ANK2: variants seen among roughly 807,000 people sequenced by gnomAD.
ANK2 encodes the protein ankyrin 2, also known as ankyrin-2.
ANK2 carries 83 observed loss-of-function variants against 360.5 expected under a neutral mutation model. That is an observed-to-expected ratio of 0.23 (90% CI 0.19 to 0.28). The LOEUF is 0.28. ANK2 is among the 10% of genes least tolerant of loss of function. ANK2 has a pLI of 1.00. For missense variants in ANK2, 4,201 were observed against 4,795.7 expected, an observed-to-expected ratio of 0.88 and a Z score of 3.66; for synonymous variants, 1,740 against 1,759.5, an observed-to-expected ratio of 0.99 and a Z score of 0.28.
intron 31 of ANK2, among the ~76,000 whole-genome samples, chr4:113,337,827 A>C (rs984535548): frequency 2.6e-5 from 4 of 152,254 alleles, no homozygotes; most frequent in African/African-American, 9.6e-5. Flanking sequence ...TATCTTTCCC[A>C]TAATTCCAGC....
At chr4:112,773,370 A>G in the ANK2 span, among the ~76,000 whole-genome samples, 1 of 152,298 alleles carries the variant, frequency 6.6e-6, no homozygotes, top group Non-Finnish European at 1.5e-5. Context: ...AAATTGGCCC[A>G]TGTTTCCTTT....
intron 2 of ANK2, among the ~76,000 whole-genome samples, chr4:113,006,632 AAT>A (rs1264468868): frequency 6.6e-6 from 1 of 152,212 alleles, no homozygotes; most frequent in Non-Finnish European, 1.5e-5. Context: ...TGAAGTTACA[AAT>A]ATACATATTC....
At chr4:113,314,429 G>T (rs538868369) in intron 24 of ANK2, among the ~76,000 whole-genome samples, 2 of 152,138 alleles carry the variant, frequency 1.3e-5, no homozygotes, top group African/African-American at 4.8e-5. Context: ...CAGTTGTACC[G>T]TAGTAAAATA....
intron 2 of ANK2, among the ~76,000 whole-genome samples, chr4:113,177,856 T>C (rs2098274673): frequency 6.6e-6 from 1 of 152,250 alleles, no homozygotes; most frequent in African/African-American, 2.4e-5. Context: ...CAGCTCACTT[T>C]AGAAAGTGAT....
At chr4:113,245,134 A>C (rs2042165743) in intron 9 of ANK2, among the ~76,000 whole-genome samples, 1 of 152,116 alleles carries the variant, frequency 6.6e-6, no homozygotes, top group South Asian at 2.1e-4. Context: ...AAGTAGAAGG[A>C]TTTTAAAAGC....
chr4:112,733,805 C>T, the ANK2 span, among the ~76,000 whole-genome samples: 7 of 152,180 alleles, frequency 4.6e-5, no homozygotes, highest in South Asian at 2.1e-4. Flanking sequence ...GACGGAGTCT[C>T]ACCTTGTCGC....
chr4:113,047,012 A>G (rs549568075), upstream of ANK2, among the ~76,000 whole-genome samples: 3 of 152,356 alleles, frequency 2.0e-5, no homozygotes, highest in South Asian at 6.2e-4. Context: ...ACGTGTTCTG[A>G]CTTCAACTGA....
intron 18 of ANK2, 129 bp from the exon 19 acceptor site, chr4:113,287,476 A>G (rs1368785410): frequency 1.3e-6 from 1 of 753,810 alleles, no homozygotes; most frequent in Non-Finnish European, 2.3e-6. Flanking sequence ...CAGAAGATAT[A>G]GTTTCTGGGA....
the ANK2 span, among the ~76,000 whole-genome samples, chr4:112,777,975 C>CT: frequency 5.1e-3 from 703 of 138,310 alleles, 10 homozygotes; most frequent in African/African-American, 0.015. Context: ...TTCTTTCTTT[C>CT]TTTTTTTTTT....
chr4:112,884,819 T>C lies in ANK2; in HGVS notation c.-39-19636T>C, dbSNP rs2077790375. On this transcript the variant is annotated intron_variant, in intron 1 of 30. Coordinates refer to the ANK2 transcript ENST00000503271. The stretch of plus-strand genomic sequence containing the variant: ...TGTCTTTCATGATAATTTTCACAGC[T>C]TCACTAGCCCTCAGGTGTGTCCCTC... Among the ~76,000 whole-genome samples the C allele has an allele frequency of 2.0e-5, 3 of 152,350 alleles. 1 individual carries two copies. The South Asian group carries it at 6.2e-4, about 32-fold the overall frequency.
In ANK2 at chr4:112,951,081, C is replaced by CAAAAAAAAA. The variant is rs1184265938; in HGVS notation, c.21+46584_21+46592dup. Among the ~76,000 whole-genome samples, 5 of 55,944 alleles carry CAAAAAAAAA rather than the reference C, an allele frequency of 8.9e-5. 1 individual carries two copies. The highest frequency in any genetic ancestry group is 3.3e-4 in the African/African-American group (5 of 15,158). The allele number at this position is 55,944 out of a possible 152,430, so 36.7% of individuals were successfully genotyped here. ...TGGGCGACAGAGCGAGCCTCCGTCT[C>CAAAAAAAAA]AAAAAAAAAAAAAAAAAAAAAAAAA... is the stretch of plus-strand genomic sequence containing the variant. On this transcript the variant is annotated intron_variant, in intron 2 of 30. Coordinates refer to the ANK2 transcript ENST00000503271.
chr4:112,721,075 C>T, the ANK2 span, among the ~76,000 whole-genome samples: 3 of 152,086 alleles, frequency 2.0e-5, no homozygotes, highest in Admixed American at 2.0e-4. Flanking sequence ...TTCAGAAGCC[C>T]ATGTTTGCCA....
upstream of ANK2, among the ~76,000 whole-genome samples, chr4:113,046,019 G>A (rs2064257451): frequency 6.6e-6 from 1 of 152,124 alleles, no homozygotes; most frequent in Admixed American, 6.5e-5. Context: ...TGCCCTCAAG[G>A]AGCTTAGAGT....
chr4:112,916,968 C>A (rs2090033514), intron 2 of ANK2, among the ~76,000 whole-genome samples: 1 of 152,048 alleles, frequency 6.6e-6, no homozygotes, highest in Non-Finnish European at 1.5e-5. Flanking sequence ...ACTTAAATTC[C>A]AGTGCCATAA....
chr4:112,834,727 T>C (rs1258564855), intron 1 of ANK2, among the ~76,000 whole-genome samples: 1 of 152,212 alleles, frequency 6.6e-6, no homozygotes, highest in Non-Finnish European at 1.5e-5. Flanking sequence ...CTCAAAAATG[T>C]CTTTTTGCAG....
the ANK2 span, among the ~76,000 whole-genome samples, chr4:112,784,804 T>C: frequency 2.6e-5 from 4 of 152,308 alleles, no homozygotes; most frequent in Middle Eastern, 3.4e-3. Context: ...ACAGATTTGA[T>C]TGGATTTTAT....
At chr4:112,812,007 G>A in the ANK2 span, among the ~76,000 whole-genome samples, 2 of 149,306 alleles carry the variant, frequency 1.3e-5, no homozygotes, top group South Asian at 4.2e-4. Flanking sequence ...CCCGGGAGGC[G>A]GAGGTTGCAG....
intron 24 of ANK2, among the ~76,000 whole-genome samples, chr4:113,315,263 G>A (rs1039523425): frequency 6.6e-6 from 1 of 152,124 alleles, no homozygotes; most frequent in Non-Finnish European, 1.5e-5. Context: ...AGCCCAATGG[G>A]CTCTTTAATA....
chr4:113,166,047 A>T (rs971727167), intron 1 of ANK2, among the ~76,000 whole-genome samples: 3 of 152,172 alleles, frequency 2.0e-5, no homozygotes, highest in Non-Finnish European at 4.4e-5. Flanking sequence ...GGAACTTCTG[A>T]GTTCTGTAGG....
Sources: allele counts gnomAD v4.1 joint callset (sites outside exome capture counted in the v4.1 genomes callset), GRCh38; gene constraint gnomAD v4.1.1; transcripts MANE v1.5; gene names NCBI Gene and HGNC (gene_info 2026-07-23, HGNC 2026-07-21).